Variants in NOS1AP observed in about 807,000 individuals in gnomAD.
NOS1AP encodes the protein carboxyl-terminal PDZ ligand of neuronal nitric oxide synthase protein.
A neutral mutation model predicts 56.2 loss-of-function variants in NOS1AP; 21 were observed. That is an observed-to-expected ratio of 0.37 (90% confidence interval 0.26 to 0.54). NOS1AP has a LOEUF of 0.54. Among genes scored for constraint, NOS1AP ranks in the 20% least tolerant of loss-of-function variants. The pLI, the probability that NOS1AP is intolerant of heterozygous loss-of-function variation, is 0.84. For missense variants in NOS1AP, 522 were observed against 657.8 expected (o/e 0.79, Z 2.26); for synonymous variants, 270 against 274.6 (o/e 0.98, Z 0.17).
chr1:162,185,522 G>C lies in NOS1AP; in HGVS notation c.177+31046G>C, dbSNP rs1481283739. Among the ~76,000 whole-genome samples the C allele has an allele frequency of 2.6e-5, 4 of 152,282 alleles. No individual in the cohort carries two copies. The South Asian group carries it at 6.2e-4, about 24-fold the overall frequency. ...TTATCTGAACAGCCAGTTATGCAAA[G>C]GACTGGAATGTGAGGAGACTGCTGA... On this transcript the variant is annotated intron_variant, in intron 2 of 9. Transcript: ENST00000361897.
chr1:162,137,078 T>C (rs1432077437), intron 1 of NOS1AP, among the ~76,000 whole-genome samples: 1 of 152,148 alleles, frequency 6.6e-6, no homozygotes, highest in Non-Finnish European at 1.5e-5. Context: ...TTGGTTTTAG[T>C]GGAGGTAGGA....
At chr1:162,363,790 C>T in intron 8 of NOS1AP, 1 of 985,392 alleles carries the variant, frequency 1.0e-6, no homozygotes, top group Non-Finnish European at 1.2e-6. Context: ...CACCCCTCCC[C>T]AGATCTTCTC....
chr1:162,186,436 C>A (rs1027311079), intron 2 of NOS1AP, among the ~76,000 whole-genome samples: 5 of 151,570 alleles, frequency 3.3e-5, no homozygotes, highest in East Asian at 3.9e-4. Context: ...AACAAAAAAA[C>A]CCCAGCTCTC....
intron 3 of NOS1AP, among the ~76,000 whole-genome samples, chr1:162,296,735 A>G (rs1008751072): frequency 3.9e-5 from 6 of 152,176 alleles, no homozygotes; most frequent in Non-Finnish European, 7.3e-5. Flanking sequence ...TGAATGTCTT[A>G]GTTACATTCT....
intron 1 of NOS1AP, among the ~76,000 whole-genome samples, chr1:162,071,901 A>C (rs1008161370): frequency 3.3e-5 from 5 of 152,090 alleles, no homozygotes; most frequent in Non-Finnish European, 5.9e-5. Context: ...ATAAGATTTA[A>C]AGTGTTTTTA....
chr1:162,352,140 A>G (rs1398702149), intron 6 of NOS1AP, among the ~76,000 whole-genome samples: 1 of 151,434 alleles, frequency 6.6e-6, no homozygotes, highest in Non-Finnish European at 1.5e-5. Context: ...GCTGACTGCA[A>G]CCTCCGCCTC....
intron 2 of NOS1AP, among the ~76,000 whole-genome samples, chr1:162,241,492 A>G (rs1297703218): frequency 6.6e-6 from 1 of 152,166 alleles, no homozygotes; most frequent in East Asian, 1.9e-4. Context: ...CACTTGCTCT[A>G]TGCTGGGCAA....
chr1:162,162,408 A>G (rs976962117), intron 2 of NOS1AP, among the ~76,000 whole-genome samples: 10 of 152,312 alleles, frequency 6.6e-5, no homozygotes, highest in African/African-American at 2.2e-4. Flanking sequence ...CGGGGCTGAT[A>G]TGTAGCCATA....
At chr1:162,113,517 C>T (rs1647795053) in intron 1 of NOS1AP, among the ~76,000 whole-genome samples, 1 of 152,140 alleles carries the variant, frequency 6.6e-6, no homozygotes, top group African/African-American at 2.4e-5. Context: ...GCAGGCCGTA[C>T]AGGAAACATG....
rs144075076 is a variant in NOS1AP, at chr1:162,146,502, G to A, written c.106-7903G>A. On this transcript the variant is annotated intron_variant, in intron 1 of 9. Transcript: ENST00000361897. ...AGCTCCTCTGGCTGTCCCCGTCTCT[G>A]GTATCCAACTCCCCAGGGTGTCAGA... is the stretch of plus-strand genomic sequence containing the variant. 3.8e-4 allele frequency among the ~76,000 whole-genome samples: 58 copies of A among 152,138 alleles called. 2 individuals are homozygous for A. Among genetic ancestry groups the A allele is most frequent in the Admixed American group, 3.7e-3 (56 of 15,272 alleles).
chr1:162,288,572 A>G (rs975713998), intron 3 of NOS1AP, among the ~76,000 whole-genome samples: 2 of 152,232 alleles, frequency 1.3e-5, no homozygotes, highest in Non-Finnish European at 1.5e-5. Flanking sequence ...TGTCCAGTGT[A>G]TGATTGGACA....
chr1:162,120,727 C>T (rs1427123113), intron 1 of NOS1AP, among the ~76,000 whole-genome samples: 1 of 152,232 alleles, frequency 6.6e-6, no homozygotes, highest in Non-Finnish European at 1.5e-5. Flanking sequence ...GGGTCCCTCT[C>T]ACAACACTTG....
intron 2 of NOS1AP, among the ~76,000 whole-genome samples, chr1:162,193,044 A>G (rs1331282386): frequency 6.6e-6 from 1 of 152,074 alleles, no homozygotes; most frequent in Non-Finnish European, 1.5e-5. Flanking sequence ...TGATGAGAGA[A>G]CTCACTGTGT....
At chr1:162,141,200 T>C (rs574407848) in intron 1 of NOS1AP, among the ~76,000 whole-genome samples, 2 of 152,330 alleles carry the variant, frequency 1.3e-5, no homozygotes, top group South Asian at 2.1e-4. Context: ...TTAATCACAC[T>C]GGTAATCTTG....
rs1571241068 is a variant in NOS1AP, at chr1:162,355,035, T to G, written c.596-152T>G. 9 of 836,276 alleles carry G rather than the reference T, an allele frequency of 1.1e-5. No homozygotes were observed. The East Asian group carries it at 2.3e-4, about 22-fold the overall frequency. 51.8% of individuals were successfully genotyped at this position (836,276 alleles called of 1,614,324 possible). A position where few individuals can be genotyped will look rare whatever the true frequency, so the allele number is the denominator to read the frequency against. On this transcript the variant is annotated intron_variant, in intron 6 of 9. Coordinates refer to ENST00000361897, the MANE Select transcript of NOS1AP (RefSeq NM_014697.3). ...ACATCTTACTGGGCTGGAAATGCAC[T>G]TTAACGTACTTGAGTGAAAAGATGT...
chr1:162,071,128 G>A (rs1691652578), intron 1 of NOS1AP, among the ~76,000 whole-genome samples: 1 of 152,112 alleles, frequency 6.6e-6, no homozygotes, highest in Non-Finnish European at 1.5e-5. Flanking sequence ...AGGAAAGAGT[G>A]CTTTTTCTGT....
rs149720393 is a variant in NOS1AP at position 162,102,329 on chromosome 1, C to T, written c.105+32047C>T. ...ATCGTGGTGGATAAGCTTTTTGATGCGCTGCTGGATTTGGTTTGCCAGTAT... is the reference window on the plus strand; with the variant it reads ...ATCGTGGTGGATAAGCTTTTTGATGTGCTGCTGGATTTGGTTTGCCAGTAT... On this transcript the variant is annotated intron_variant, in intron 1 of 9. Coordinates refer to ENST00000361897, the MANE Select transcript of NOS1AP (RefSeq NM_014697.3). Among the ~76,000 whole-genome samples, 36 of 152,140 alleles carry T rather than the reference C, an allele frequency of 2.4e-4. No homozygotes were observed. In the East Asian group the frequency reaches 6.4e-3, roughly 27 times the overall value.
At chr1:162,074,625 C>G (rs754522874) in intron 1 of NOS1AP, among the ~76,000 whole-genome samples, 1 of 152,178 alleles carries the variant, frequency 6.6e-6, no homozygotes, top group Admixed American at 6.5e-5. Context: ...TCAAAACAAA[C>G]GACCTCAAGA....
chr1:162,154,087 A>G (rs1345575301), intron 1 of NOS1AP, among the ~76,000 whole-genome samples: 1 of 152,124 alleles, frequency 6.6e-6, no homozygotes, highest in Non-Finnish European at 1.5e-5. Flanking sequence ...GAGACAAAAA[A>G]AGTGAATTGC....
Sources: allele counts gnomAD v4.1 joint callset (sites outside exome capture counted in the v4.1 genomes callset), GRCh38; gene constraint gnomAD v4.1.1; transcripts MANE v1.5; gene names NCBI Gene and HGNC (gene_info 2026-07-23, HGNC 2026-07-21).